The following GRIN2A variants were observed in gnomAD, a reference collection of about 807,000 sequenced individuals.
GRIN2A encodes glutamate ionotropic receptor NMDA type subunit 2A, also known as glutamate receptor ionotropic, NMDA 2A.
A neutral mutation model predicts 113.4 loss-of-function variants in GRIN2A; 22 were observed. The observed-to-expected ratio is 0.19, with a 90% CI of 0.14 to 0.28. The LOEUF (loss-of-function observed/expected upper bound fraction) is 0.28. Ranked by LOEUF, GRIN2A falls within the 10% of genes least tolerant of loss-of-function variation. The pLI, the probability that GRIN2A is intolerant of heterozygous loss-of-function variation, is 1.00. For synonymous variants in GRIN2A, 827 were observed against 738.4 expected (o/e 1.12, Z -1.94); for missense variants, 1,502 against 1,887.0 (o/e 0.80, Z 3.78).
chr16:10,021,234 G>T (rs1158448087), intron 2 of GRIN2A, among the ~76,000 whole-genome samples: 2 of 152,218 alleles, frequency 1.3e-5, no homozygotes, highest in Admixed American at 1.3e-4. Flanking sequence ...GGTAGTGAAT[G>T]AATGGACTGG....
chr16:10,107,766 C>T (rs1246142320), intron 2 of GRIN2A, among the ~76,000 whole-genome samples: 1 of 152,224 alleles, frequency 6.6e-6, no homozygotes, highest in Non-Finnish European at 1.5e-5. Context: ...TGCTGAGCTT[C>T]AGGACACTCA....
At chr16:9,987,715 A>C (rs2046005529) in intron 2 of GRIN2A, among the ~76,000 whole-genome samples, 1 of 152,238 alleles carries the variant, frequency 6.6e-6, no homozygotes, top group African/African-American at 2.4e-5. Flanking sequence ...TTTACTCTGC[A>C]CAGCCTATGT....
intron 3 of GRIN2A, among the ~76,000 whole-genome samples, chr16:9,923,419 G>A (rs551727852): frequency 1.3e-5 from 2 of 152,238 alleles, no homozygotes; most frequent in African/African-American, 4.8e-5. Context: ...CATGTAATGT[G>A]ATTATTAATA....
At chr16:10,104,808 G>A (rs571433861) in intron 2 of GRIN2A, among the ~76,000 whole-genome samples, 2 of 152,240 alleles carry the variant, frequency 1.3e-5, no homozygotes, top group South Asian at 2.1e-4. Flanking sequence ...GGCCGCAGTC[G>A]ACGGCAGGGT....
chr16:9,993,763 C>A (rs538042314), intron 2 of GRIN2A, among the ~76,000 whole-genome samples: 35 of 152,244 alleles, frequency 2.3e-4, no homozygotes, highest in African/African-American at 8.2e-4. Context: ...AAACCTAAAT[C>A]TGCCCCTAAC....
chr16:9,949,137 C>T (rs2141666960), intron 2 of GRIN2A, among the ~76,000 whole-genome samples: 1 of 152,330 alleles, frequency 6.6e-6, no homozygotes, highest in East Asian at 1.9e-4. Flanking sequence ...CTGTCCAGGT[C>T]TCTATTGTCA....
chr16:9,892,359 G>A (rs2043711569), intron 3 of GRIN2A, among the ~76,000 whole-genome samples: 1 of 152,206 alleles, frequency 6.6e-6, no homozygotes, highest in Non-Finnish European at 1.5e-5. Context: ...AGCGGGTACA[G>A]AGGGACTACT....
chr16:10,115,642 G>C (rs1386618053), intron 2 of GRIN2A, among the ~76,000 whole-genome samples: 5 of 152,208 alleles, frequency 3.3e-5, no homozygotes, highest in Admixed American at 6.5e-5. Context: ...GTGAAATTTA[G>C]TGCAAACCAG....
intron 2 of GRIN2A, among the ~76,000 whole-genome samples, chr16:9,983,994 T>C (rs1357573881): frequency 6.6e-6 from 1 of 152,242 alleles, no homozygotes; most frequent in Non-Finnish European, 1.5e-5. Context: ...TTTTTCATAA[T>C]GGCTGTTCTA....
At chr16:9,967,407 A>C (rs953242950) in intron 2 of GRIN2A, among the ~76,000 whole-genome samples, 1 of 152,210 alleles carries the variant, frequency 6.6e-6, no homozygotes, top group East Asian at 1.9e-4. Flanking sequence ...ATGCAAAGGT[A>C]TAAGAATGAT....
At chr16:10,095,808 G>A (rs1363014088) in intron 2 of GRIN2A, among the ~76,000 whole-genome samples, 3 of 151,828 alleles carry the variant, frequency 2.0e-5, no homozygotes, top group African/African-American at 4.8e-5. Context: ...CAAGACCAAC[G>A]GACATCATCT....
At chr16:9,847,836 C>T (rs998104116) in intron 5 of GRIN2A, among the ~76,000 whole-genome samples, 5 of 148,046 alleles carry the variant, frequency 3.4e-5, no homozygotes, top group African/African-American at 4.9e-5. Flanking sequence ...ATGATGTATT[C>T]AGGATTTCAA....
chr16:9,833,697 A>G (rs11646626), intron 8 of GRIN2A, among the ~76,000 whole-genome samples: 23,230 of 152,182 alleles, frequency 0.15, 2,443 homozygotes, highest in Middle Eastern at 0.27. Context: ...CCATTCATAC[A>G]ATGGTACACC....
In GRIN2A at chr16:9,798,260, G is replaced by T. The variant is rs746303209; in HGVS notation, c.2356+17C>A. 9 of 1,609,774 alleles carry T rather than the reference G, an allele frequency of 5.6e-6. No individual in the cohort carries two copies. In the South Asian group the frequency reaches 6.6e-5, roughly 12 times the overall value. On this transcript the variant is annotated intron_variant, in intron 11 of 12. Transcript: ENST00000330684. ...GTCTCAAGTCCCCCTAAAGAAAGGG[G>T]TCACCCGGGGTCTTACCATCACCCA...
intron 2 of GRIN2A, among the ~76,000 whole-genome samples, chr16:9,967,290 A>G (rs1177976110): frequency 6.6e-6 from 1 of 152,254 alleles, no homozygotes; most frequent in Non-Finnish European, 1.5e-5. Context: ...GATGTCTTGC[A>G]GCAACTTAGA....
intron 2 of GRIN2A, among the ~76,000 whole-genome samples, chr16:10,080,757 G>A (rs2047963177): frequency 6.6e-6 from 1 of 152,078 alleles, no homozygotes; most frequent in African/African-American, 2.4e-5. Context: ...GACAATGCCT[G>A]GGACCCTCTT....
At chr16:10,041,816 C>A (rs1035660850) in intron 2 of GRIN2A, among the ~76,000 whole-genome samples, 3 of 152,208 alleles carry the variant, frequency 2.0e-5, no homozygotes, top group African/African-American at 7.2e-5. Flanking sequence ...TCAAAGCCCA[C>A]CTTCTCAGTG....
chr16:9,959,448 T>G (rs1350990812), intron 2 of GRIN2A, among the ~76,000 whole-genome samples: 5 of 152,224 alleles, frequency 3.3e-5, no homozygotes, highest in Non-Finnish European at 7.3e-5. Context: ...AATCAAGTTA[T>G]GGCACCGAGG....
intron 2 of GRIN2A, among the ~76,000 whole-genome samples, chr16:10,055,446 G>A (rs961672579): frequency 2.0e-5 from 3 of 152,156 alleles, no homozygotes; most frequent in Non-Finnish European, 2.9e-5. Flanking sequence ...GGTTTTGAAA[G>A]AGAAAAAGAA....
Sources: gnomAD v4.1 joint callset for allele counts (sites outside exome capture counted in the v4.1 genomes callset) on GRCh38, gnomAD v4.1.1 for gene constraint, MANE v1.5 for transcripts, NCBI Gene and HGNC (gene_info 2026-07-23, HGNC 2026-07-21) for gene names.